Variants in SRR observed in about 807,000 individuals in gnomAD.
SRR encodes the protein serine racemase.
A neutral mutation model predicts 32.7 loss-of-function variants in SRR; 19 were observed. The ratio of observed to expected loss-of-function variants is 0.58; its 90% CI spans 0.40 to 0.85. The LOEUF (loss-of-function observed/expected upper bound fraction) is 0.85. Among genes scored for constraint, SRR ranks in the 40% least tolerant of loss-of-function variants. SRR has a pLI of 0.00. For synonymous variants in SRR, 142 were observed against 140.9 expected, an observed-to-expected ratio of 1.01 and a Z score of -0.06; for missense variants, 373 against 404.7, an observed-to-expected ratio of 0.92 and a Z score of 0.67.
At chr17:2,317,207 GA>G (rs1238108697) in intron 2 of SRR, among the ~76,000 whole-genome samples, 10,465 of 54,482 alleles carry the variant, frequency 0.19, 548 homozygotes, top group African/African-American at 0.26. Context: ...CATCTCGGGG[GA>G]AAAAAAAAAA....
At position 2,321,369 on chromosome 17, in the gene SRR, C is replaced by G; in HGVS notation, c.463C>G (p.Gln155Glu). The G allele has an allele frequency of 6.2e-7, 1 of 1,612,274 alleles. No homozygotes were observed. Among genetic ancestry groups the G allele is most frequent in the South Asian group, 1.1e-5 (1 of 90,576 alleles). ...ETEGIMVHPN[Q>E]EPAVIAGQGT... ...AGAAGGCATCATGGTACATCCCAACCAGGAGCCTGCAGTGATAGCTGGACA... is the reference window on the plus strand; with the variant it reads ...AGAAGGCATCATGGTACATCCCAACGAGGAGCCTGCAGTGATAGCTGGACA... The change falls in exon 5 of 8, where the codon CAG becomes GAG. Residue 155 changes from glutamine to glutamate, a missense_variant. Gln to Glu is a conservative substitution (Grantham distance 29, BLOSUM62 2). Coordinates refer to ENST00000344595, the MANE Select transcript of SRR (RefSeq NM_021947.3).
At chr17:2,311,031 C>A (rs1369389641) in intron 1 of SRR, among the ~76,000 whole-genome samples, 1 of 151,914 alleles carries the variant, frequency 6.6e-6, no homozygotes, top group Non-Finnish European at 1.5e-5. Context: ...CAGGCGTGAC[C>A]CACCACGCCC....
At chr17:2,315,533 C>G in intron 1 of SRR, 24 bp from the exon 2 acceptor site, 1 of 1,598,080 alleles carries the variant, frequency 6.3e-7, no homozygotes, top group South Asian at 1.1e-5. Flanking sequence ...TTGCTTTGAC[C>G]CCTTTCTTAT....
At chr17:2,315,534 C>G (rs1487785443) in intron 1 of SRR, 23 bp from the exon 2 acceptor site, 2 of 1,599,962 alleles carry the variant, frequency 1.3e-6, no homozygotes, top group Non-Finnish European at 1.7e-6. Context: ...TGCTTTGACC[C>G]CTTTCTTATT....
At chr17:2,303,569 AGAG>A (rs1283096936), upstream of SRR, 36 of 1,363,990 alleles carry the variant, frequency 2.6e-5, no homozygotes, top group Middle Eastern at 2.7e-4. Flanking sequence ...GGGAGGAGGC[AGAG>A]GAGGAGGAGA....
chr17:2,321,296 G>A lies in SRR; in HGVS notation c.400-10G>A, dbSNP rs2075526283. Reference sequence around the variant, plus strand: ...TACAAATCAATTAAGCTAAATTAATGTACTTTCAGTCCAGAGAAAATGTTG... The same window carrying A: ...TACAAATCAATTAAGCTAAATTAATATACTTTCAGTCCAGAGAAAATGTTG... On this transcript the variant is annotated splice_polypyrimidine_tract_variant and intron_variant, in intron 4 of 7. Transcript: ENST00000344595. 7 of 1,613,006 alleles carry A rather than the reference G, an allele frequency of 4.3e-6. No individual in the cohort carries two copies. Among genetic ancestry groups the A allele is most frequent in the Non-Finnish European group, 5.9e-6 (7 of 1,179,810 alleles).
Position 2,315,847 on chromosome 17 carries a change from G to GA in SRR, c.168+125dup, listed in dbSNP as rs2075468913. 4.9e-6 allele frequency: 5 copies of GA among 1,020,144 alleles called. 1 individual carries two copies. In the South Asian group the frequency reaches 9.2e-5, roughly 19 times the overall value. The allele number at this position is 1,020,144 out of a possible 1,614,324, so 63.2% of individuals were successfully genotyped here. A position where few individuals can be genotyped will look rare whatever the true frequency, so the allele number is the denominator to read the frequency against. ...GTAAATTAATGCCTTTATACAGCTG[G>GA]AAAAAAGGTTACAGAAATTTTCCTT... On this transcript the variant is annotated intron_variant, in intron 2 of 7. Transcript: ENST00000344595.
intron 1 of SRR, among the ~76,000 whole-genome samples, chr17:2,308,092 A>T (rs1299499951): frequency 6.6e-6 from 1 of 151,536 alleles, no homozygotes; most frequent in Non-Finnish European, 1.5e-5. Context: ...TAAATAATTC[A>T]TGGGTCAAAA....
At position 2,307,180 on chromosome 17, in the gene SRR, G is replaced by C. The variant is rs2075397392; in HGVS notation, c.-5+3163G>C. 70 of 1,352,642 alleles carry C rather than the reference G, an allele frequency of 5.2e-5. No homozygotes were observed. The South Asian group carries it at 7.9e-4, about 15-fold the overall frequency. 83.8% of individuals were successfully genotyped at this position (1,352,642 alleles called of 1,614,324 possible). On this transcript the variant is annotated intron_variant, in intron 1 of 7. Transcript: ENST00000344595. ...AGTGATTGAAATCATGACTGACCAA[G>C]GCAGTGGCAAGAAAAGGGGCTTTGC...
intron 1 of SRR, among the ~76,000 whole-genome samples, chr17:2,311,433 C>T (rs920506076): frequency 6.6e-6 from 1 of 151,632 alleles, no homozygotes; most frequent in Non-Finnish European, 1.5e-5. Context: ...CTCAGAAGGT[C>T]AAGACCAGCC....
chr17:2,322,677 G>T (rs369083266), intron 6 of SRR: 59 of 143,916 alleles, frequency 4.1e-4, no homozygotes, highest in East Asian at 1.0e-3. Flanking sequence ...GTTTTTTTTT[G>T]TTTTTTTTTT....
chr17:2,312,795 G>A lies in SRR; in HGVS notation c.-4-2762G>A, dbSNP rs185005929. 2.9e-3 allele frequency among the ~76,000 whole-genome samples: 445 copies of A among 152,190 alleles called. 1 individual carries two copies. Among genetic ancestry groups the A allele is most frequent in the Non-Finnish European group, 5.2e-3 (351 of 68,018 alleles). ...GCCTTTTGATACAAAATACCATTTG[G>A]TGAAATCTACCCTAAGGACTGACGG... is the stretch of plus-strand genomic sequence containing the variant. On this transcript the variant is annotated intron_variant, in intron 1 of 7. Coordinates refer to ENST00000344595, the MANE Select transcript of SRR (RefSeq NM_021947.3).
At chr17:2,307,114 T>C (rs2075397059) in intron 1 of SRR, 2 of 1,125,608 alleles carry the variant, frequency 1.8e-6, no homozygotes, top group South Asian at 1.2e-5. Flanking sequence ...CACTGAAGAA[T>C]ATCACCTAAG....
Position 2,315,657 on chromosome 17 carries a change from A to G in SRR, c.97A>G (p.Ile33Val), listed in dbSNP as rs776761914. 1.2e-6 allele frequency: 2 copies of G among 1,614,164 alleles called. No homozygotes were observed. The highest frequency in any genetic ancestry group is 1.1e-5 in the South Asian group (1 of 91,084). ...IHLTPVLTSS[I>V]LNQLTGRNLF... ...CCTCACACCAGTGCTAACAAGCTCC[A>G]TTTTGAATCAACTAACAGGGCGCAA... The change falls in exon 2 of 8, where the codon ATT (isoleucine) becomes GTT (valine). Residue 33 changes from isoleucine to valine, a missense_variant. Physicochemically the swap from Ile to Val is conservative, Grantham distance 29. Transcript: ENST00000344595.
In SRR at chr17:2,324,836, G is replaced by C; in HGVS notation, c.*963G>C. The stretch of plus-strand genomic sequence containing the variant: ...GCAATGAGGCTGTGCATTCCTAAAG[G>C]ACAAAAGCAAAGAAGCTATTTAGGA... On this transcript the variant is annotated 3_prime_UTR_variant, in exon 8 of 8. Transcript: ENST00000344595. The C allele has an allele frequency of 1.2e-6, 2 of 1,601,800 alleles. No homozygotes were observed. The highest frequency in any genetic ancestry group is 8.5e-7 in the Non-Finnish European group (1 of 1,176,606).
At chr17:2,303,444 G>A, upstream of SRR, 1 of 1,303,888 alleles carries the variant, frequency 7.7e-7, no homozygotes, top group South Asian at 2.2e-5. Context: ...GCCAGGACTG[G>A]CCGAGCCCGA....
chr17:2,304,979 T>C (rs568612452), intron 1 of SRR, among the ~76,000 whole-genome samples: 38 of 152,268 alleles, frequency 2.5e-4, no homozygotes, highest in African/African-American at 8.4e-4. Flanking sequence ...CACAGCCCCA[T>C]AGGCTTTTAC....
At chr17:2,319,757 C>T (rs2075508887) in intron 4 of SRR, among the ~76,000 whole-genome samples, 1 of 152,148 alleles carries the variant, frequency 6.6e-6, no homozygotes, top group Admixed American at 6.6e-5. Context: ...TCCACCCTTG[C>T]CACACTACAG....
chr17:2,318,471 T>C (rs1360120084), intron 3 of SRR, among the ~76,000 whole-genome samples: 4 of 148,812 alleles, frequency 2.7e-5, no homozygotes, highest in Non-Finnish European at 6.0e-5. Context: ...TTTCTTTTTT[T>C]TTTTTTTTTT....
Sources: allele counts gnomAD v4.1 joint callset (sites outside exome capture counted in the v4.1 genomes callset), GRCh38; gene constraint gnomAD v4.1.1; transcripts MANE v1.5; gene names NCBI Gene and HGNC (gene_info 2026-07-23, HGNC 2026-07-21).